Variants in MESD observed in about 807,000 individuals in gnomAD.
MESD encodes mesoderm development LRP chaperone.
A neutral mutation model predicts 12.9 loss-of-function variants in MESD; 7 were observed. That is an observed-to-expected ratio of 0.54 (90% confidence interval 0.31 to 1.02). The LOEUF (loss-of-function observed/expected upper bound fraction) is 1.02, where lower values mean the gene tolerates loss of function less well. Among genes scored for constraint, MESD ranks in the 50% least tolerant of loss-of-function variants. The probability of loss-of-function intolerance (pLI) is 0.05; values close to 1 mark genes in which losing one functional copy is unlikely to be tolerated. For synonymous variants in MESD, 126 were observed against 115.6 expected (o/e 1.09, Z -0.58); for missense variants, 342 against 296.7 (o/e 1.15, Z -1.12).
downstream of MESD, chr15:80,947,269 A>G (rs554890196): frequency 1.9e-6 from 1 of 530,096 alleles, no homozygotes; most frequent in African/African-American, 1.9e-5. Context: ...CACTGCAGCA[A>G]ATTTATTATA....
chr15:80,964,335 A>G (rs1567120796), intron 3 of MESD, among the ~76,000 whole-genome samples: 1 of 152,234 alleles, frequency 6.6e-6, no homozygotes, highest in Non-Finnish European at 1.5e-5. Context: ...GGACACAAAC[A>G]AATGGAAGAA....
intron 1 of MESD, among the ~76,000 whole-genome samples, chr15:80,986,039 T>TA (rs886174331): frequency 2.0e-4 from 29 of 148,286 alleles, no homozygotes; most frequent in East Asian, 5.9e-4. Flanking sequence ...TCAAGAGACT[T>TA]AAAAAAAAAA....
rs563525164 is a variant in MESD, at chr15:80,989,818, A to T, written c.-27T>A. The T allele has an allele frequency of 1.4e-5, 21 of 1,540,074 alleles. No homozygotes were observed. The African/African-American group carries it at 2.3e-4, about 17-fold the overall frequency. On this transcript the variant is annotated 5_prime_UTR_variant, in exon 1 of 3. Coordinates refer to ENST00000261758, the MANE Select transcript of MESD (RefSeq NM_015154.3). ...TTCGCTGCGCCGCGCAGCGCCCTAG[A>T]CGCGCTTACCCGACCTGCGCGGGCC...
chr15:80,989,447 T>G, intron 1 of MESD, 132 bp downstream of exon 1: 1 of 1,089,814 alleles, frequency 9.2e-7, no homozygotes, highest in African/African-American at 1.6e-5. Context: ...CTTCAGTGGG[T>G]CAGTAAGGAT....
intron 1 of MESD, among the ~76,000 whole-genome samples, chr15:80,982,393 C>G (rs1902606129): frequency 6.6e-6 from 1 of 152,200 alleles, no homozygotes; most frequent in African/African-American, 2.4e-5. Context: ...TTACCAATCA[C>G]AGAGCGCCCC....
downstream of MESD, among the ~76,000 whole-genome samples, chr15:80,971,782 C>T (rs891335584): frequency 2.0e-5 from 3 of 151,776 alleles, no homozygotes; most frequent in Non-Finnish European, 4.4e-5. Context: ...TAATCAGGGA[C>T]ACAGGAAAAA....
intron 2 of MESD, 78 bp from the exon 3 acceptor site, chr15:80,979,555 TA>T: frequency 2.0e-6 from 3 of 1,484,040 alleles, no homozygotes; most frequent in Non-Finnish European, 2.7e-6. Context: ...CTCTGGCACT[TA>T]TCAGTTTATT....
intron 3 of MESD, among the ~76,000 whole-genome samples, chr15:80,954,770 T>C (rs1335212076): frequency 6.6e-6 from 1 of 152,248 alleles, no homozygotes; most frequent in Non-Finnish European, 1.5e-5. Context: ...GTGGGCTACA[T>C]GCAGCCCTGG....
At chr15:80,981,425 A>G (rs1186165884) in intron 2 of MESD, among the ~76,000 whole-genome samples, 1 of 141,070 alleles carries the variant, frequency 7.1e-6, no homozygotes, top group African/African-American at 2.7e-5. Context: ...CAACACAGTG[A>G]GACTCCGTCT....
chr15:80,978,185 ACT>A lies in MESD; in HGVS notation c.*1032_*1033del, dbSNP rs2141807696. 2 of 152,300 alleles carry A rather than the reference ACT, an allele frequency of 1.3e-5. No individual in the cohort carries two copies. Among genetic ancestry groups the A allele is most frequent in the South Asian group, 4.1e-4 (2 of 4,824 alleles). The allele number at this position is 152,300 out of a possible 1,614,324, so 9.4% of individuals were successfully genotyped here. On this transcript the variant is annotated 3_prime_UTR_variant, in exon 3 of 3. Transcript: ENST00000261758. ...TTTTCACTTTGTACCATTCTTTAAC[ACT>A]GACATTTTCTAACCATGTAATGTGC...
At chr15:80,987,204 C>G (rs891884584) in intron 1 of MESD, among the ~76,000 whole-genome samples, 9 of 152,170 alleles carry the variant, frequency 5.9e-5, no homozygotes, top group Admixed American at 5.9e-4. Context: ...CTCACTGAAG[C>G]ACTGTTTCTC....
intron 3 of MESD, among the ~76,000 whole-genome samples, chr15:80,955,208 G>A (rs141370653): frequency 0.012 from 1,820 of 151,518 alleles, 48 homozygotes; most frequent in African/African-American, 0.042. Flanking sequence ...AATCTCGGCC[G>A]GGCGCGGTGG....
intron 1 of MESD, among the ~76,000 whole-genome samples, chr15:80,983,370 T>G (rs1472362279): frequency 6.6e-6 from 1 of 152,218 alleles, no homozygotes; most frequent in Non-Finnish European, 1.5e-5. Flanking sequence ...TTAGCAGGTT[T>G]GTTTTCTGTA....
chr15:80,972,025 T>C (rs1902299279), downstream of MESD, among the ~76,000 whole-genome samples: 1 of 150,866 alleles, frequency 6.6e-6, no homozygotes, highest in Non-Finnish European at 1.5e-5. Context: ...ACGTTATTGA[T>C]AATTGTGGAT....
intron 3 of MESD, among the ~76,000 whole-genome samples, chr15:80,956,896 T>C (rs961391507): frequency 3.9e-5 from 6 of 152,112 alleles, no homozygotes; most frequent in African/African-American, 7.2e-5. Flanking sequence ...TAGCTCACTG[T>C]GGCCTCGACC....
At chr15:80,952,937 C>G in intron 3 of MESD, 1 of 455,692 alleles carries the variant, frequency 2.2e-6, no homozygotes, top group South Asian at 1.6e-5. Flanking sequence ...ATGAAATTAC[C>G]TGCCCAATGA....
intron 3 of MESD, among the ~76,000 whole-genome samples, chr15:80,966,518 C>T (rs965663345): frequency 1.3e-5 from 2 of 152,186 alleles, no homozygotes; most frequent in African/African-American, 4.8e-5. Flanking sequence ...TCAACGGGCC[C>T]AGTGCTCCCC....
chr15:80,989,799 G>C lies in MESD; in HGVS notation c.-8C>G. The C allele has an allele frequency of 6.4e-7, 1 of 1,558,434 alleles. No homozygotes were observed. Among genetic ancestry groups the C allele is most frequent in the Admixed American group, 1.9e-5 (1 of 53,082 alleles). On this transcript the variant is annotated 5_prime_UTR_variant, in exon 1 of 3. Transcript: ENST00000261758. ...CCACCTGGAAGCCGCCATTTTCGCT[G>C]CGCCGCGCAGCGCCCTAGACGCGCT...
At chr15:80,959,601 T>C (rs1902049900) in intron 3 of MESD, among the ~76,000 whole-genome samples, 1 of 152,124 alleles carries the variant, frequency 6.6e-6, no homozygotes, top group Non-Finnish European at 1.5e-5. Context: ...AGCCAATAAA[T>C]GGACACCTGC....
Sources: allele counts gnomAD v4.1 joint callset (sites outside exome capture counted in the v4.1 genomes callset), GRCh38; gene constraint gnomAD v4.1.1; transcripts MANE v1.5; gene names NCBI Gene and HGNC (gene_info 2026-07-23, HGNC 2026-07-21).